The following FCGR3B variants were observed in gnomAD, a reference collection of about 807,000 sequenced individuals.
The protein encoded by FCGR3B is low affinity immunoglobulin gamma Fc region receptor III-B.
A neutral mutation model predicts 26.7 loss-of-function variants in FCGR3B; 20 were observed. The observed-to-expected ratio is 0.75, with a 90% confidence interval of 0.53 to 1.09. The LOEUF is 1.09. Among genes scored for constraint, FCGR3B ranks in the 50% least tolerant of loss-of-function variants. The probability of loss-of-function intolerance (pLI) is 0.00; values close to 1 mark genes in which losing one functional copy is unlikely to be tolerated. For synonymous variants in FCGR3B, 79 were observed against 107.0 expected (o/e 0.74, Z 1.62); for missense variants, 191 against 279.7 (o/e 0.68, Z 2.26).
rs1484099481 is a variant in FCGR3B, at chr1:161,626,192, CCAA to C, written c.527_529del (p.Val176del). The C allele has an allele frequency of 6.2e-7, 1 of 1,609,506 alleles. No individual in the cohort carries two copies. The highest frequency in any genetic ancestry group is 1.4e-5 in the African/African-American group (1 of 73,504). On this transcript the variant is annotated inframe_deletion, in exon 4 of 5. Transcript: ENST00000650385. The stretch of plus-strand genomic sequence containing the variant: ...AGTCTCTGAAGACACATTTTTACTC[CCAA>C]CAAGCCCCCTGCAGAAGTAGGAGCC...
upstream of FCGR3B, chr1:161,631,188 A>T (rs1489462531): frequency 1.2e-6 from 2 of 1,603,520 alleles, 1 homozygote; most frequent in East Asian, 4.5e-5. Context: ...GCCTTTCCCC[A>T]GTCCCTCCAC....
chr1:161,624,934 G>T (rs1458830502), intron 4 of FCGR3B, among the ~76,000 whole-genome samples: 1 of 140,828 alleles, frequency 7.1e-6, no homozygotes, highest in Admixed American at 7.2e-5. Context: ...TGACAGTTAA[G>T]AAATTGTCAG....
At chr1:161,626,977 G>C (rs1001907883) in intron 3 of FCGR3B, among the ~76,000 whole-genome samples, 4 of 149,946 alleles carry the variant, frequency 2.7e-5, no homozygotes, top group South Asian at 2.1e-4. Context: ...AGTGCTCAGA[G>C]TGGCAATTCG....
chr1:161,631,191 C>A, upstream of FCGR3B: 4 of 1,600,284 alleles, frequency 2.5e-6, no homozygotes, highest in Non-Finnish European at 3.4e-6. Flanking sequence ...TTTCCCCAGT[C>A]CCTCCACCCA....
intron 4 of FCGR3B, 100 bp downstream of exon 4, chr1:161,626,045 G>C (rs1282240635): frequency 7.2e-7 from 1 of 1,397,738 alleles, no homozygotes; most frequent in Non-Finnish European, 9.8e-7. Flanking sequence ...GAAGAAGTGC[G>C]TGTAAGAATC....
Position 161,624,544 on chromosome 1 carries a change from G to A in FCGR3B, c.673C>T (p.Leu225=). The A allele has an allele frequency of 1.2e-6, 2 of 1,606,974 alleles. No individual in the cohort carries two copies. The highest frequency in any genetic ancestry group is 1.4e-5 in the African/African-American group (1 of 73,174). ...MVLLFAVDTG[L]YFSVKTNI ...ATGTTTGTCTTCACAGAGAAATATA[G>A]TCCTGTGTCCACTGCAAAAAGGAGT... The change falls in exon 5 of 5, where the codon CTA becomes TTA. Residue 225 remains leucine, a synonymous_variant. Transcript: ENST00000650385.
chr1:161,627,935 T>G (rs1382936331), intron 3 of FCGR3B, among the ~76,000 whole-genome samples: 1 of 150,074 alleles, frequency 6.7e-6, no homozygotes, highest in African/African-American at 2.5e-5. Context: ...AATAAAGGAC[T>G]GCGGGGCCGA....
intron 4 of FCGR3B, among the ~76,000 whole-genome samples, chr1:161,625,133 C>T (rs1679396200): frequency 7.2e-6 from 1 of 138,472 alleles, no homozygotes; most frequent in Non-Finnish European, 1.6e-5. Flanking sequence ...TGCTCTCTTT[C>T]CCTAACCACT....
intron 4 of FCGR3B, among the ~76,000 whole-genome samples, chr1:161,625,741 T>C (rs1464132207): frequency 7.2e-6 from 1 of 139,246 alleles, no homozygotes; most frequent in Non-Finnish European, 1.5e-5. Flanking sequence ...GGTTCTGGGC[T>C]CTTTCTGTGA....
chr1:161,627,014 G>T (rs566047111), intron 3 of FCGR3B, among the ~76,000 whole-genome samples: 1 of 150,004 alleles, frequency 6.7e-6, no homozygotes, highest in South Asian at 2.1e-4. Context: ...ACAGGGCCTC[G>T]GTGAGACCAA....
intron 3 of FCGR3B, among the ~76,000 whole-genome samples, chr1:161,628,179 A>G (rs989656437): frequency 6.7e-6 from 1 of 150,034 alleles, no homozygotes; most frequent in African/African-American, 2.5e-5. Context: ...AGGCTGAAGC[A>G]GGAGAATCGC....
upstream of FCGR3B, chr1:161,631,211 C>T: frequency 1.3e-6 from 2 of 1,587,996 alleles, no homozygotes; most frequent in Non-Finnish European, 1.7e-6. Flanking sequence ...ATCTCTGTCA[C>T]CTGCCAGTTT....
rs1454552247 is a variant in FCGR3B, at chr1:161,629,996, C to A, written c.101G>T (p.Trp34Leu). The A allele has an allele frequency of 4.3e-6, 6 of 1,384,680 alleles. 2 individuals carry two copies. The highest frequency in any genetic ancestry group is 5.8e-6 in the Non-Finnish European group (6 of 1,040,810). The allele number at this position is 1,384,680 out of a possible 1,614,324, so 85.8% of individuals were successfully genotyped here. A position where few individuals can be genotyped will look rare whatever the true frequency, so the allele number is the denominator to read the frequency against. Residue 34 changes from tryptophan (W) to leucine (L), a missense_variant, in exon 3 of 5, where the codon TGG becomes TTG. By Grantham distance (61) the Trp-to-Leu change is moderately conservative. This residue lies in a region of FCGR3B where 88 missense variants were observed against 165.2 expected (regional missense o/e 0.53). Coordinates refer to ENST00000650385, the MANE Select transcript of FCGR3B (RefSeq NM_001244753.2). ...PKAVVFLEPQ[W>L]YSVLEKDSVT... is the part of the protein sequence containing the mutation. Reference sequence around the variant, plus strand: ...ACTGTCCTTCTCAAGCACGCTGTACCATTGAGGCTCCAGGAACACCACAGC... The same window carrying A: ...ACTGTCCTTCTCAAGCACGCTGTACAATTGAGGCTCCAGGAACACCACAGC...
chr1:161,626,081 C>T (rs1224214373), intron 4 of FCGR3B, 64 bp downstream of exon 4: 1 of 1,565,952 alleles, frequency 6.4e-7, no homozygotes. Flanking sequence ...ACTCAACTTC[C>T]CAGTGTGAGT....
chr1:161,625,035 A>T (rs182658024), intron 4 of FCGR3B, among the ~76,000 whole-genome samples: 1 of 144,852 alleles, frequency 6.9e-6, no homozygotes, highest in Admixed American at 7.0e-5. Flanking sequence ...CCAAACTTAA[A>T]AAAAATGACC....
At position 161,623,308 on chromosome 1, in the gene FCGR3B, C is replaced by T. The variant is rs191334664; in HGVS notation, c.*1207G>A. On this transcript the variant is annotated 3_prime_UTR_variant, in exon 5 of 5. Transcript: ENST00000650385. ...CAAGAAATGTTGCACTGAAAGCTTA[C>T]AAAACAGAGACAGCTAAAGCTTTCT... 14 of 150,510 alleles carry T rather than the reference C, an allele frequency of 9.3e-5. No homozygotes were observed. The highest frequency in any genetic ancestry group is 7.3e-4 in the Admixed American group (11 of 15,038). 9.3% of individuals were successfully genotyped at this position (150,510 alleles called of 1,614,324 possible). A position where few individuals can be genotyped will look rare whatever the true frequency, so the allele number is the denominator to read the frequency against.
At chr1:161,631,785 G>A (rs1366215849), upstream of FCGR3B, 1 of 141,298 alleles carries the variant, frequency 7.1e-6, no homozygotes, top group African/African-American at 2.7e-5. Context: ...AACCCAGGTA[G>A]GGTAGAGAAA....
chr1:161,626,027 C>A, intron 4 of FCGR3B, 118 bp downstream of exon 4: 2 of 1,215,386 alleles, frequency 1.6e-6, no homozygotes, highest in Non-Finnish European at 2.3e-6. Flanking sequence ...CAGGAGGGAA[C>A]CACATATGAA....
rs1260645584 is a variant in FCGR3B at position 161,624,203 on chromosome 1, G to A, written c.*312C>T. 3.0e-6 allele frequency: 1 copy of A among 332,476 alleles called. No individual in the cohort carries two copies. The highest frequency in any genetic ancestry group is 5.6e-6 in the Non-Finnish European group (1 of 179,600). 20.6% of individuals were successfully genotyped at this position (332,476 alleles called of 1,614,324 possible). A position where few individuals can be genotyped will look rare whatever the true frequency, so the allele number is the denominator to read the frequency against. On this transcript the variant is annotated 3_prime_UTR_variant, in exon 5 of 5. Transcript: ENST00000650385. ...AGGGAATGGTTGGGACAGAAAAAGT[G>A]TTTGTGTAGCTCTGAAACTTCAATT...
Sources: allele counts gnomAD v4.1 joint callset (sites outside exome capture counted in the v4.1 genomes callset), GRCh38; gene constraint gnomAD v4.1.1; regional missense constraint gnomAD v4.1.1; transcripts MANE v1.5; gene names NCBI Gene and HGNC (gene_info 2026-07-23, HGNC 2026-07-21).